Variants in NPTXR observed in about 807,000 individuals in gnomAD.
NPTXR encodes neuronal pentraxin receptor.
A neutral mutation model predicts 32.2 loss-of-function variants in NPTXR; 12 were observed. That is an observed-to-expected ratio of 0.37 (90% CI 0.24 to 0.60). The LOEUF is 0.60. Ranked by LOEUF, NPTXR falls within the 20% of genes least tolerant of loss-of-function variation. NPTXR has a pLI of 0.66. For synonymous variants in NPTXR, 323 were observed against 315.8 expected (o/e 1.02, Z -0.24); for missense variants, 612 against 682.9 (o/e 0.90, Z 1.16).
chr22:38,838,558 C>T (rs1242165764), intron 1 of NPTXR, among the ~76,000 whole-genome samples: 7 of 150,248 alleles, frequency 4.7e-5, no homozygotes, highest in African/African-American at 9.8e-5. Context: ...GCACAGGCAC[C>T]GCCCTCACCT....
At chr22:38,835,935 C>T (rs1416554078) in intron 1 of NPTXR, among the ~76,000 whole-genome samples, 8 of 152,286 alleles carry the variant, frequency 5.3e-5, no homozygotes, top group African/African-American at 1.7e-4. Context: ...GACGCCCCCC[C>T]GCCGCCCCGG....
chr22:38,828,626 G>T, intron 1 of NPTXR, 114 bp from the exon 2 acceptor site: 1 of 778,048 alleles, frequency 1.3e-6, no homozygotes, highest in Non-Finnish European at 2.0e-6. Context: ...AGCTTCCCCA[G>T]TATGCAAAAT....
rs2093121539 is a variant in NPTXR, at chr22:38,834,731, T to C, written c.625-6219A>G. 6.6e-6 allele frequency among the ~76,000 whole-genome samples: 1 copy of C among 152,144 alleles called. No homozygotes were observed. The highest frequency in any genetic ancestry group is 2.4e-5 in the African/African-American group (1 of 41,416). On this transcript the variant is annotated intron_variant, in intron 1 of 4. Transcript: ENST00000333039. The surrounding 1 kb of genome is among the most constrained non-coding windows in gnomAD (Gnocchi z 4.4). ...TTTTCAGTTCCTTGCTTACTAGATCTGCGACCTTGGGCAAGCTGCTTAACT... is the reference window on the plus strand; with the variant it reads ...TTTTCAGTTCCTTGCTTACTAGATCCGCGACCTTGGGCAAGCTGCTTAACT...
intron 3 of NPTXR, among the ~76,000 whole-genome samples, chr22:38,824,870 C>T (rs1030588696): frequency 2.5e-4 from 38 of 152,192 alleles, no homozygotes; most frequent in Admixed American, 2.4e-3. Context: ...GGACTCATCT[C>T]CTCCCTCCTC....
chr22:38,842,666 G>A (rs1400529963), intron 1 of NPTXR, among the ~76,000 whole-genome samples: 1 of 152,176 alleles, frequency 6.6e-6, no homozygotes, highest in Non-Finnish European at 1.5e-5. Context: ...CTGCGGTTTG[G>A]GTCATAGTCT....
chr22:38,842,079 C>A (rs1205283710), intron 1 of NPTXR, among the ~76,000 whole-genome samples: 1 of 152,220 alleles, frequency 6.6e-6, no homozygotes, highest in Non-Finnish European at 1.5e-5. Flanking sequence ...GGCTGTCAGA[C>A]CACGACATCC....
In NPTXR at chr22:38,828,317, G is replaced by A; in HGVS notation, c.820C>T (p.Leu274=). Residue 274 remains leucine, a synonymous_variant, in exon 2 of 5, where the codon CTG becomes TTG. Coordinates refer to ENST00000333039, the MANE Select transcript of NPTXR (RefSeq NM_014293.4). The stretch of plus-strand genomic sequence containing the variant: ...TCCAGCTCAGCCACACGACCCTGCA[G>A]GACGTCCAACTCCTTTTCCACTTCC... 2.5e-6 allele frequency: 4 copies of A among 1,613,574 alleles called. No individual in the cohort carries two copies. The highest frequency in any genetic ancestry group is 3.4e-6 in the Non-Finnish European group (4 of 1,180,030).
chr22:38,825,714 TAC>T (rs1862508604), intron 3 of NPTXR, among the ~76,000 whole-genome samples: 1 of 152,056 alleles, frequency 6.6e-6, no homozygotes, highest in South Asian at 2.1e-4. Flanking sequence ...AACACCTTTC[TAC>T]TCTCCATAGC....
At position 38,823,148 on chromosome 22, in the gene NPTXR, C is replaced by A; in HGVS notation, c.1213G>T (p.Gly405Cys). ...GGGTGCCAGGCAGCCAGGTTCTCAC[C>A]GGAGCCCTGCAGCTCCCCGTCCTGG... Residue 405 changes from glycine (G) to cysteine (C), a missense_variant, in exon 4 of 5, where the codon GGT (glycine) becomes TGT (cysteine). Coordinates refer to ENST00000333039, the MANE Select transcript of NPTXR (RefSeq NM_014293.4). The A allele has an allele frequency of 6.2e-7, 1 of 1,614,142 alleles. No individual in the cohort carries two copies. Among genetic ancestry groups the A allele is most frequent in the Non-Finnish European group, 8.5e-7 (1 of 1,180,006 alleles).
At chr22:38,824,130 C>A (rs997301379) in intron 3 of NPTXR, among the ~76,000 whole-genome samples, 2 of 142,512 alleles carry the variant, frequency 1.4e-5, no homozygotes, top group Non-Finnish European at 1.5e-5. Flanking sequence ...GCGTGCACCA[C>A]CATGCCCAGC....
chr22:38,837,983 G>A (rs912521358), intron 1 of NPTXR, among the ~76,000 whole-genome samples: 2 of 151,954 alleles, frequency 1.3e-5, no homozygotes, highest in Non-Finnish European at 2.9e-5. Context: ...AGCTTCCCAA[G>A]CAGCTGGGAC....
At position 38,818,492 on chromosome 22, in the gene NPTXR, CA is replaced by C. The variant is rs1777601623; in HGVS notation, c.*4116del. ...TGTTTATTTTGAACATTCAAGTTTA[CA>C]AAAACAAAAAGGTAACAAAACCATG... On this transcript the variant is annotated 3_prime_UTR_variant, in exon 5 of 5. Transcript: ENST00000333039. This position sits in a 1 kb window ranked among gnomAD's most constrained non-coding sequence, Gnocchi z 4.5. 6.6e-6 allele frequency: 1 copy of C among 152,430 alleles called. No individual in the cohort carries two copies. The highest frequency in any genetic ancestry group is 1.5e-5 in the Non-Finnish European group (1 of 68,062). 9.4% of individuals were successfully genotyped at this position (152,430 alleles called of 1,614,324 possible).
chr22:38,843,108 G>C lies in NPTXR; in HGVS notation c.624+127C>G, dbSNP rs769992085. 2.2e-5 allele frequency: 22 copies of C among 987,182 alleles called. No homozygotes were observed. Among genetic ancestry groups the C allele is most frequent in the Non-Finnish European group, 2.9e-5 (22 of 767,832 alleles). 61.2% of individuals were successfully genotyped at this position (987,182 alleles called of 1,614,324 possible). On this transcript the variant is annotated intron_variant, in intron 1 of 4. Transcript: ENST00000333039. The surrounding 1 kb of genome is among the most constrained non-coding windows in gnomAD (Gnocchi z 5.3). ...CTATCGAAATCCCCCCGCCTCGCCA[G>C]CGAGGAAGGCGCGATCGTCCCCGGA...
intron 1 of NPTXR, among the ~76,000 whole-genome samples, chr22:38,841,832 C>G (rs1076116): frequency 0.66 from 100,695 of 152,092 alleles, 34,219 homozygotes; most frequent in East Asian, 0.85. Flanking sequence ...CATACTTTCA[C>G]CTTTTTCCTG....
At position 38,828,354 on chromosome 22, in the gene NPTXR, G is replaced by C. The variant is rs138281398; in HGVS notation, c.783C>G (p.Arg261=). The change falls in exon 2 of 5, where the codon CGC becomes CGG. Residue 261 remains arginine (R), a synonymous_variant. Transcript: ENST00000333039. ...CCTTTTCCACTTCCTGCCTCTGCCGGCGGCTGCTGTGGCTGAGGGCCACAC... is the reference window on the plus strand; with the variant it reads ...CCTTTTCCACTTCCTGCCTCTGCCGCCGGCTGCTGTGGCTGAGGGCCACAC... 4 of 1,612,976 alleles carry C rather than the reference G, an allele frequency of 2.5e-6. No individual in the cohort carries two copies. The African/African-American group carries it at 5.3e-5, about 22-fold the overall frequency.
intron 2 of NPTXR, 106 bp from the exon 3 acceptor site, chr22:38,826,853 T>A (rs2093107975): frequency 1.5e-6 from 2 of 1,335,052 alleles, no homozygotes; most frequent in Admixed American, 4.1e-5. Flanking sequence ...AGGCACCTGC[T>A]GCATGCCCAG....
At chr22:38,835,715 C>T (rs1402345677) in intron 1 of NPTXR, among the ~76,000 whole-genome samples, 1 of 152,208 alleles carries the variant, frequency 6.6e-6, no homozygotes, top group African/African-American at 2.4e-5. Context: ...AGGTCCCCCA[C>T]CCCTAGCCCA....
At chr22:38,824,264 A>C (rs1569326906) in intron 3 of NPTXR, among the ~76,000 whole-genome samples, 1 of 151,220 alleles carries the variant, frequency 6.6e-6, no homozygotes. Context: ...GAGTGCTGGG[A>C]TTACAGGCAA....
intron 1 of NPTXR, among the ~76,000 whole-genome samples, chr22:38,840,063 A>T (rs2093129792): frequency 6.6e-6 from 1 of 152,244 alleles, no homozygotes; most frequent in African/African-American, 2.4e-5. Context: ...AATGGAAAAG[A>T]AGACACTTTC....
Sources: allele counts gnomAD v4.1 joint callset (sites outside exome capture counted in the v4.1 genomes callset), GRCh38; gene constraint gnomAD v4.1.1; non-coding constraint Gnocchi (gnomAD v3.1); transcripts MANE v1.5; gene names NCBI Gene and HGNC (gene_info 2026-07-23, HGNC 2026-07-21).